Variants in CASD1 observed in about 807,000 individuals in gnomAD.
The protein encoded by CASD1 is CAS1 domain sialic acid O acetyltransferase 1, also known as N-acetylneuraminate (7)9-O-acetyltransferase.
Under a neutral mutation model 100.0 loss-of-function variants are expected in CASD1, and 41 were observed. The observed-to-expected ratio is 0.41, with a 90% CI of 0.32 to 0.53. The LOEUF (loss-of-function observed/expected upper bound fraction) is 0.53. Among genes scored for constraint, CASD1 ranks in the 20% least tolerant of loss-of-function variants. CASD1 has a pLI of 0.25. For synonymous variants in CASD1, 321 were observed against 315.6 expected, an observed-to-expected ratio of 1.02 and a Z score of -0.18; for missense variants, 774 against 948.7, an observed-to-expected ratio of 0.82 and a Z score of 2.42.
chr7:94,546,612 T>TA (rs1475476828), intron 12 of CASD1, among the ~76,000 whole-genome samples: 2 of 151,962 alleles, frequency 1.3e-5, no homozygotes, highest in Admixed American at 1.3e-4. Context: ...TCAATAAACT[T>TA]TTAACACATA....
the CASD1 span, among the ~76,000 whole-genome samples, chr7:94,631,329 T>G: frequency 4.6e-5 from 7 of 151,554 alleles, no homozygotes; most frequent in African/African-American, 9.7e-5. Flanking sequence ...GATACCACAA[T>G]GTACCCTGAA....
the CASD1 span, chr7:94,623,227 G>A: frequency 7.2e-6 from 5 of 692,408 alleles, no homozygotes; most frequent in African/African-American, 7.3e-5. Flanking sequence ...TATTAGGTAT[G>A]TGGCATTTTA....
chr7:94,586,061 G>GAAAAAAAAAAAAAAAAAAAAAA, the CASD1 span, among the ~76,000 whole-genome samples: 2 of 28,908 alleles, frequency 6.9e-5, no homozygotes, highest in Non-Finnish European at 5.9e-5. Flanking sequence ...GGAACTAAAT[G>GAAAAAAAAAAAAAAAAAAAAAA]AAAAAAAAAA....
the CASD1 span, among the ~76,000 whole-genome samples, chr7:94,602,426 A>G: frequency 3.2e-4 from 49 of 152,272 alleles, no homozygotes; most frequent in East Asian, 9.5e-3. Context: ...TCTCTAAGAC[A>G]TGAAGTGATA....
intron 13 of CASD1, among the ~76,000 whole-genome samples, chr7:94,547,484 C>G (rs1795736078): frequency 6.6e-6 from 1 of 151,820 alleles, no homozygotes; most frequent in Non-Finnish European, 1.5e-5. Context: ...AAGTGGAGAT[C>G]AAAATTTTCT....
rs1353351754 is a variant in CASD1 at position 94,518,436 on chromosome 7, AT to A, written c.351+117del. ...TAGGAGCTGAAAAAATTTTACTTTGATTTTCAGAAAGGTTGGGGAAAAAGAG... is the reference window on the plus strand; with the variant it reads ...TAGGAGCTGAAAAAATTTTACTTTGATTTCAGAAAGGTTGGGGAAAAAGAG... On this transcript the variant is annotated intron_variant, in intron 3 of 17. Transcript: ENST00000297273. The A allele has an allele frequency of 3.5e-6, 3 of 845,518 alleles. No individual in the cohort carries two copies. In the African/African-American group the frequency reaches 5.4e-5, roughly 15 times the overall value. The allele number at this position is 845,518 out of a possible 1,614,324, so 52.4% of individuals were successfully genotyped here.
the CASD1 span, among the ~76,000 whole-genome samples, chr7:94,577,158 T>G: frequency 6.6e-6 from 1 of 152,324 alleles, no homozygotes; most frequent in Non-Finnish European, 1.5e-5. Context: ...CTGGGCAGTT[T>G]CTATTCATTG....
At chr7:94,600,708 C>A in the CASD1 span, 3 of 1,613,718 alleles carry the variant, frequency 1.9e-6, no homozygotes, top group African/African-American at 1.3e-5. Flanking sequence ...GTGCCACTGC[C>A]GAGGGCACAG....
chr7:94,541,554 T>G (rs1795401893), intron 10 of CASD1, among the ~76,000 whole-genome samples: 4 of 140,646 alleles, frequency 2.8e-5, no homozygotes, highest in South Asian at 4.7e-4. Context: ...TTTTTTTTTT[T>G]TTTTTTTTTT....
chr7:94,561,881 C>T (rs1486033953), downstream of CASD1, among the ~76,000 whole-genome samples: 1 of 152,012 alleles, frequency 6.6e-6, no homozygotes, highest in Non-Finnish European at 1.5e-5. Flanking sequence ...TTAGAATGTA[C>T]CTGAGAATTA....
At chr7:94,570,460 G>A in the CASD1 span, among the ~76,000 whole-genome samples, 26 of 152,006 alleles carry the variant, frequency 1.7e-4, no homozygotes, top group African/African-American at 5.3e-4. Context: ...TTTATGCATC[G>A]TGTGCCCAAT....
chr7:94,555,762 C>G lies in CASD1; in HGVS notation c.*4C>G, dbSNP rs540026140. On this transcript the variant is annotated 3_prime_UTR_variant, in exon 18 of 18. Transcript: ENST00000297273. ...TCAAGATAAATCAAAACATTAGGTT[C>G]CAAAAATTCTAAAAAACCTAAACTC... 5.0e-6 allele frequency: 8 copies of G among 1,606,508 alleles called. No homozygotes were observed. In the East Asian group the frequency reaches 1.8e-4, roughly 36 times the overall value.
the CASD1 span, chr7:94,599,713 TTC>T: frequency 6.2e-7 from 1 of 1,608,940 alleles, no homozygotes; most frequent in Non-Finnish European, 8.5e-7. Flanking sequence ...GTTTGCATGT[TTC>T]TCTTTTCCCT....
At chr7:94,588,855 A>G in the CASD1 span, 6 of 1,009,262 alleles carry the variant, frequency 5.9e-6, no homozygotes, top group Non-Finnish European at 9.3e-6. Context: ...ATCCAGCACA[A>G]TTCCCCTCCC....
At chr7:94,528,801 C>G (rs996282323) in intron 5 of CASD1, among the ~76,000 whole-genome samples, 4 of 152,136 alleles carry the variant, frequency 2.6e-5, no homozygotes, top group Non-Finnish European at 5.9e-5. Flanking sequence ...TTTACAATCT[C>G]TGTAGTAGTT....
rs1399845341 is a variant in CASD1 at position 94,535,296 on chromosome 7, G to T, written c.629-13G>T. 1 of 1,584,978 alleles carries T rather than the reference G, an allele frequency of 6.3e-7. No homozygotes were observed. The highest frequency in any genetic ancestry group is 8.6e-7 in the Non-Finnish European group (1 of 1,158,006). ...TTTTAAAATGTGTTTTTAAAAATGT[G>T]TCTCACGTGCAGATCCTGTTTATGA... is the stretch of plus-strand genomic sequence containing the variant. On this transcript the variant is annotated splice_polypyrimidine_tract_variant and intron_variant, in intron 7 of 17. Coordinates refer to ENST00000297273, the MANE Select transcript of CASD1 (RefSeq NM_022900.5).
the CASD1 span, chr7:94,589,497 G>T: frequency 6.6e-6 from 1 of 152,364 alleles, no homozygotes. Context: ...TAAGACAGGG[G>T]TCCCCAACCC....
chr7:94,560,888 A>G (rs1302807487), downstream of CASD1, among the ~76,000 whole-genome samples: 3 of 152,214 alleles, frequency 2.0e-5, no homozygotes, highest in African/African-American at 7.2e-5. Context: ...TTCTTAGATG[A>G]GAAATGACCT....
chr7:94,580,948 T>C, the CASD1 span, among the ~76,000 whole-genome samples: 1 of 152,210 alleles, frequency 6.6e-6, no homozygotes, highest in Non-Finnish European at 1.5e-5. Flanking sequence ...ACTCCTTCAA[T>C]TAACCATAGT....
Sources: allele counts gnomAD v4.1 joint callset (sites outside exome capture counted in the v4.1 genomes callset), GRCh38; gene constraint gnomAD v4.1.1; transcripts MANE v1.5; gene names NCBI Gene and HGNC (gene_info 2026-07-23, HGNC 2026-07-21).